FSTL4: variants seen among roughly 807,000 people sequenced by gnomAD.
FSTL4 encodes the protein follistatin like 4.
A neutral mutation model predicts 78.2 loss-of-function variants in FSTL4; 28 were observed. The ratio of observed to expected loss-of-function variants is 0.36; its 90% CI spans 0.27 to 0.49. FSTL4 has a LOEUF of 0.49. FSTL4 is among the 20% of genes least tolerant of loss of function. The pLI is 0.98. For synonymous variants in FSTL4, 422 were observed against 440.5 expected, an observed-to-expected ratio of 0.96 and a Z score of 0.53; for missense variants, 922 against 1,084.9, an observed-to-expected ratio of 0.85 and a Z score of 2.11.
intron 3 of FSTL4, among the ~76,000 whole-genome samples, chr5:133,517,447 A>AAAAAAAATATATATATATATATATAT (rs1554068019): frequency 6.1e-5 from 1 of 16,396 alleles, no homozygotes; most frequent in Non-Finnish European, 1.0e-4. Flanking sequence ...AAAAAAAAAA[A>AAAAAAAATATATATATATATATATAT]ATATATATAT....
chr5:133,422,900 T>C (rs1387392370), intron 3 of FSTL4, among the ~76,000 whole-genome samples: 1 of 152,254 alleles, frequency 6.6e-6, no homozygotes, highest in Non-Finnish European at 1.5e-5. Context: ...ATTTTTCCTT[T>C]ATGGCTGCAA....
chr5:133,359,537 G>T (rs996170468), intron 4 of FSTL4, among the ~76,000 whole-genome samples: 1 of 152,192 alleles, frequency 6.6e-6, no homozygotes, highest in African/African-American at 2.4e-5. Flanking sequence ...CAGTGATGGG[G>T]GGACTGACTA....
the FSTL4 span, among the ~76,000 whole-genome samples, chr5:133,666,138 T>A: frequency 9.2e-5 from 14 of 152,172 alleles, no homozygotes; most frequent in East Asian, 2.7e-3. Flanking sequence ...CCCAGCAGAA[T>A]CTCATCTGCA....
intron 14 of FSTL4, among the ~76,000 whole-genome samples, chr5:133,207,122 A>G (rs913332264): frequency 1.3e-5 from 2 of 151,960 alleles, no homozygotes; most frequent in African/African-American, 2.4e-5. Flanking sequence ...AAAAAATTCT[A>G]TTTGACTGAT....
chr5:133,542,342 T>C (rs906935584), intron 3 of FSTL4, among the ~76,000 whole-genome samples: 3 of 152,252 alleles, frequency 2.0e-5, no homozygotes, highest in South Asian at 2.1e-4. Context: ...CAAATTGTTA[T>C]GGTTTATCTT....
chr5:133,608,568 T>C (rs1761022375), intron 1 of FSTL4, among the ~76,000 whole-genome samples: 1 of 152,224 alleles, frequency 6.6e-6, no homozygotes, highest in South Asian at 2.1e-4. Context: ...CACACTTACA[T>C]CTAGAGTGGG....
chr5:133,664,942 A>G, the FSTL4 span, among the ~76,000 whole-genome samples: 12 of 152,346 alleles, frequency 7.9e-5, no homozygotes, highest in African/African-American at 2.4e-4. Context: ...AATTTCATGC[A>G]AATTATGAAA....
intron 3 of FSTL4, among the ~76,000 whole-genome samples, chr5:133,419,692 C>G (rs1304326337): frequency 6.6e-6 from 1 of 152,166 alleles, no homozygotes; most frequent in African/African-American, 2.4e-5. Flanking sequence ...AGTGGTTGTA[C>G]CATTTTACAT....
At chr5:133,528,782 C>T (rs1307394207) in intron 3 of FSTL4, among the ~76,000 whole-genome samples, 2 of 152,348 alleles carry the variant, frequency 1.3e-5, no homozygotes, top group South Asian at 2.1e-4. Context: ...CCCAACAACC[C>T]GTGTAAGTCA....
At chr5:133,224,289 G>A (rs935356677) in intron 10 of FSTL4, 73 bp from the exon 11 acceptor site, 36 of 1,096,776 alleles carry the variant, frequency 3.3e-5, no homozygotes, top group East Asian at 1.2e-4. Flanking sequence ...GTGTTAAACC[G>A]TCACTGCAGT....
At chr5:133,325,699 C>A (rs1290321758) in intron 4 of FSTL4, among the ~76,000 whole-genome samples, 2 of 152,178 alleles carry the variant, frequency 1.3e-5, no homozygotes, top group Non-Finnish European at 2.9e-5. Context: ...CACATAGTAA[C>A]CAGCCACTCT....
chr5:133,623,309 A>G, the FSTL4 span, among the ~76,000 whole-genome samples: 1 of 152,118 alleles, frequency 6.6e-6, no homozygotes, highest in Non-Finnish European at 1.5e-5. Flanking sequence ...GGACAGACAT[A>G]TAGACCAATG....
intron 3 of FSTL4, among the ~76,000 whole-genome samples, chr5:133,553,755 T>C (rs1054431990): frequency 1.3e-5 from 2 of 152,104 alleles, no homozygotes. Flanking sequence ...AGAAATAACT[T>C]AAACGAAAGT....
chr5:133,546,558 A>AAACCAAAG (rs974932518), intron 3 of FSTL4, among the ~76,000 whole-genome samples: 2 of 151,920 alleles, frequency 1.3e-5, no homozygotes, highest in African/African-American at 4.8e-5. Flanking sequence ...TCAGGAGAGG[A>AAACCAAAG]AACCAAAGAT....
At chr5:133,345,880 C>A (rs1431800887) in intron 4 of FSTL4, among the ~76,000 whole-genome samples, 1 of 152,098 alleles carries the variant, frequency 6.6e-6, no homozygotes, top group Admixed American at 6.5e-5. Flanking sequence ...CCCAGCAATC[C>A]CATTACTGGG....
chr5:133,779,497 G>A, the FSTL4 span, among the ~76,000 whole-genome samples: 8 of 152,022 alleles, frequency 5.3e-5, no homozygotes, highest in Non-Finnish European at 7.4e-5. Flanking sequence ...GAGGCAGGAG[G>A]ATCACTTGAA....
At chr5:133,749,754 C>T in the FSTL4 span, among the ~76,000 whole-genome samples, 6 of 152,310 alleles carry the variant, frequency 3.9e-5, no homozygotes, top group South Asian at 2.1e-4. Flanking sequence ...TTCCCTCCCA[C>T]GATCACTGCC....
the FSTL4 span, among the ~76,000 whole-genome samples, chr5:133,618,061 C>A: frequency 6.6e-6 from 1 of 152,112 alleles, no homozygotes; most frequent in Non-Finnish European, 1.5e-5. Flanking sequence ...TTAGTGGATG[C>A]CTGAAATCAT....
chr5:133,383,274 ACT>A (rs1755619273), intron 4 of FSTL4, among the ~76,000 whole-genome samples: 1 of 151,936 alleles, frequency 6.6e-6, no homozygotes, highest in South Asian at 2.1e-4. Context: ...GGGGAGAGCC[ACT>A]CTCTCAGGAA....
Sources: gnomAD v4.1 joint callset for allele counts (sites outside exome capture counted in the v4.1 genomes callset) on GRCh38, gnomAD v4.1.1 for gene constraint, MANE v1.5 for transcripts, NCBI Gene and HGNC (gene_info 2026-07-23, HGNC 2026-07-21) for gene names.